VSIR: variants seen among roughly 807,000 people sequenced by gnomAD.
VSIR encodes the protein V-set immunoregulatory receptor, also known as V-type immunoglobulin domain-containing suppressor of T-cell activation.
Under a neutral mutation model 31.0 loss-of-function variants are expected in VSIR, and 10 were observed. That is an observed-to-expected ratio of 0.32 (90% CI 0.20 to 0.55). The LOEUF (loss-of-function observed/expected upper bound fraction) is 0.55. VSIR is among the 20% of genes least tolerant of loss of function. The probability of loss-of-function intolerance (pLI) is 0.93; values close to 1 mark genes in which losing one functional copy is unlikely to be tolerated. For synonymous variants in VSIR, 179 were observed against 180.1 expected, an observed-to-expected ratio of 0.99 and a Z score of 0.05; for missense variants, 356 against 416.2, an observed-to-expected ratio of 0.86 and a Z score of 1.26.
At chr10:71,755,572 T>C in intron 3 of VSIR, 106 bp from the exon 4 acceptor site, 5 of 1,032,136 alleles carry the variant, frequency 4.8e-6, no homozygotes, top group Non-Finnish European at 7.2e-6. Context: ...AGACCCGCCT[T>C]TCCCCAGAGT....
At chr10:71,768,381 G>T (rs375544655) in intron 1 of VSIR, among the ~76,000 whole-genome samples, 2 of 152,170 alleles carry the variant, frequency 1.3e-5, no homozygotes, top group African/African-American at 4.8e-5. Flanking sequence ...ACGTTGGCCA[G>T]GCTGGTCTTG....
At chr10:71,753,067 C>G (rs57732552) in intron 4 of VSIR, 65 bp from the exon 5 acceptor site, 35,427 of 1,573,646 alleles carry the variant, frequency 0.023, 1,587 homozygotes, top group African/African-American at 0.18. Flanking sequence ...ACATCCCTGC[C>G]CCTGCTGGCA....
Position 71,762,023 on chromosome 10 carries a change from G to C in VSIR, c.86C>G (p.Pro29Arg). 1 of 1,596,054 alleles carries C rather than the reference G, an allele frequency of 6.3e-7. No homozygotes were observed. Among genetic ancestry groups the C allele is most frequent in the Non-Finnish European group, 8.5e-7 (1 of 1,169,872 alleles). ...FALFLAASLG[P>R]VAAFKVATPY... ...CGTGGCGACCTTGAAGGCTGCCACC[G>C]GACCTGCTCAGAGAGAGGAGAGCCC... Residue 29 changes from proline to arginine, a missense_variant, in exon 2 of 7, where the codon CCG becomes CGG. Pro to Arg is a moderately radical substitution (Grantham distance 103, BLOSUM62 -2). Transcript: ENST00000394957.
rs933375004 is a variant in VSIR, at chr10:71,773,298, C to T, written c.82+60G>A. 2.6e-6 allele frequency: 4 copies of T among 1,534,654 alleles called. No homozygotes were observed. In the African/African-American group the frequency reaches 5.5e-5, roughly 21 times the overall value. The stretch of plus-strand genomic sequence containing the variant: ...CAGGACGCCCCCATCCCACAGTTCC[C>T]ACTCCAGTCTGCTGTCTTCTCCCAG... On this transcript the variant is annotated intron_variant, in intron 1 of 6. Coordinates refer to ENST00000394957, the MANE Select transcript of VSIR (RefSeq NM_022153.2).
intron 1 of VSIR, among the ~76,000 whole-genome samples, chr10:71,770,221 T>C (rs1232100418): frequency 6.6e-6 from 1 of 152,262 alleles, no homozygotes; most frequent in Non-Finnish European, 1.5e-5. Context: ...TACACAGTAT[T>C]CACGAGGAGC....
rs867509950 is a variant in VSIR, at chr10:71,759,930, C to T, written c.568+938G>A. On this transcript the variant is annotated intron_variant, in intron 3 of 6. Transcript: ENST00000394957. ...ACACACACACATATATACACACACA[C>T]ATATATACACACACACATATATATA... 2.5e-3 allele frequency among the ~76,000 whole-genome samples: 135 copies of T among 54,466 alleles called. 3 individuals carry two copies. The highest frequency in any genetic ancestry group is 4.4e-3 in the South Asian group (7 of 1,592). 35.7% of individuals were successfully genotyped at this position (54,466 alleles called of 152,430 possible). A position where few individuals can be genotyped will look rare whatever the true frequency, so the allele number is the denominator to read the frequency against.
At chr10:71,769,675 A>G (rs192304313) in intron 1 of VSIR, among the ~76,000 whole-genome samples, 3 of 152,314 alleles carry the variant, frequency 2.0e-5, no homozygotes, top group Non-Finnish European at 2.9e-5. Context: ...TTGTGTTCCC[A>G]TGATGAGTGA....
At chr10:71,764,489 T>G (rs1416243491) in intron 1 of VSIR, among the ~76,000 whole-genome samples, 1 of 152,166 alleles carries the variant, frequency 6.6e-6, no homozygotes, top group Non-Finnish European at 1.5e-5. Context: ...TCTTTTTAAT[T>G]TTCTTGAGAT....
chr10:71,761,784 T>C lies in VSIR; in HGVS notation c.325A>G (p.Thr109Ala). 1 of 1,613,076 alleles carries C rather than the reference T, an allele frequency of 6.2e-7. No individual in the cohort carries two copies. Among genetic ancestry groups the C allele is most frequent in the Non-Finnish European group, 8.5e-7 (1 of 1,179,880 alleles). Residue 109 changes from threonine to alanine, a missense_variant, in exon 2 of 7, where the codon ACC becomes GCC. Physicochemically the swap from Thr to Ala is moderately conservative, Grantham distance 58 (BLOSUM62 0). This residue lies in a region of VSIR where 166 missense variants were observed against 231.0 expected (regional missense o/e 0.72). Coordinates refer to ENST00000394957, the MANE Select transcript of VSIR (RefSeq NM_022153.2). ...TGGCGCTGAGCCAGGTCGTGGCTGGTGTTGGCAGCCTGGTGGCCTCCATGG... is the reference window on the plus strand; with the variant it reads ...TGGCGCTGAGCCAGGTCGTGGCTGGCGTTGGCAGCCTGGTGGCCTCCATGG... ...LHHGGHQAAN[T>A]SHDLAQRHGL...
chr10:71,753,038 G>A (rs1564775627), intron 4 of VSIR, 36 bp from the exon 5 acceptor site: 1 of 1,607,316 alleles, frequency 6.2e-7, no homozygotes, highest in South Asian at 1.1e-5. Flanking sequence ...GGTCATGGAA[G>A]GGAAGGCTTC....
At chr10:71,767,766 T>C (rs1840588517) in intron 1 of VSIR, among the ~76,000 whole-genome samples, 1 of 152,202 alleles carries the variant, frequency 6.6e-6, no homozygotes, top group African/African-American at 2.4e-5. Flanking sequence ...GATGTGTTTA[T>C]TGATACCTGC....
chr10:71,770,788 C>T (rs988847586), intron 1 of VSIR, among the ~76,000 whole-genome samples: 3 of 152,162 alleles, frequency 2.0e-5, no homozygotes, highest in Non-Finnish European at 2.9e-5. Context: ...CAGACCCCAG[C>T]GGAACCTTTG....
Position 71,750,978 on chromosome 10 carries a change from A to G in VSIR, c.*275T>C. On this transcript the variant is annotated 3_prime_UTR_variant, in exon 7 of 7. Transcript: ENST00000394957. ...GACGTTCTGAGACTTCTTAAGATGT[A>G]AGTCATTTGGCATCTGTAGCTGGTG... 4.6e-6 allele frequency: 2 copies of G among 434,050 alleles called. No individual in the cohort carries two copies. The highest frequency in any genetic ancestry group is 8.2e-6 in the Non-Finnish European group (2 of 242,606). The allele number at this position is 434,050 out of a possible 1,614,324, so 26.9% of individuals were successfully genotyped here.
intron 1 of VSIR, among the ~76,000 whole-genome samples, chr10:71,763,888 A>C (rs1840461837): frequency 6.6e-6 from 1 of 152,166 alleles, no homozygotes; most frequent in Admixed American, 6.6e-5. Flanking sequence ...ACTGATAACA[A>C]CTTGTGATCC....
intron 3 of VSIR, among the ~76,000 whole-genome samples, chr10:71,756,912 C>T (rs1307282480): frequency 1.3e-5 from 2 of 152,208 alleles, no homozygotes; most frequent in African/African-American, 2.4e-5. Flanking sequence ...GAGGTTTGTT[C>T]ATACTGCAAA....
intron 3 of VSIR, among the ~76,000 whole-genome samples, chr10:71,755,717 G>GCTCAGGCAC (rs1332761960): frequency 2.0e-5 from 3 of 152,166 alleles, no homozygotes; most frequent in African/African-American, 7.2e-5. Context: ...AGCTCAGGCA[G>GCTCAGGCAC]CTCCAGGCAA....
chr10:71,759,846 C>CACACACACACACACATATATAT (rs776230069), intron 3 of VSIR, among the ~76,000 whole-genome samples: 1 of 59,932 alleles, frequency 1.7e-5, no homozygotes. Flanking sequence ...CACACACACA[C>CACACACACACACACATATATAT]ATATACACAC....
At position 71,751,414 on chromosome 10, in the gene VSIR, C is replaced by T. The variant is rs1839998762; in HGVS notation, c.899-124G>A. On this transcript the variant is annotated intron_variant, in intron 6 of 6. Coordinates refer to ENST00000394957, the MANE Select transcript of VSIR (RefSeq NM_022153.2). This position sits in a 1 kb window ranked among gnomAD's most constrained non-coding sequence, Gnocchi z 4.9. Reference sequence around the variant, plus strand: ...GGCCCCTCTGTCCCTCACCCTCAACCCCACCCCGTGAGGCCGTGGAACTCT... The same window carrying T: ...GGCCCCTCTGTCCCTCACCCTCAACTCCACCCCGTGAGGCCGTGGAACTCT... 8.5e-6 allele frequency: 4 copies of T among 472,388 alleles called. No individual in the cohort carries two copies. The highest frequency in any genetic ancestry group is 1.5e-5 in the Non-Finnish European group (4 of 264,986). The allele number at this position is 472,388 out of a possible 1,614,324, so 29.3% of individuals were successfully genotyped here. A position where few individuals can be genotyped will look rare whatever the true frequency, so the allele number is the denominator to read the frequency against.
At chr10:71,762,311 C>T (rs1245395008) in intron 1 of VSIR, among the ~76,000 whole-genome samples, 1 of 152,206 alleles carries the variant, frequency 6.6e-6, no homozygotes, top group African/African-American at 2.4e-5. Context: ...TGTCCCTCTT[C>T]CCAGTAGAGT....
Sources: gnomAD v4.1 joint callset for allele counts (sites outside exome capture counted in the v4.1 genomes callset) on GRCh38, gnomAD v4.1.1 for gene constraint, gnomAD v4.1.1 regional missense constraint, Gnocchi (gnomAD v3.1) non-coding constraint, MANE v1.5 for transcripts, NCBI Gene and HGNC (gene_info 2026-07-23, HGNC 2026-07-21) for gene names.